The following SOAT1 variants were observed in gnomAD, a reference collection of about 807,000 sequenced individuals.
SOAT1 encodes the protein sterol O-acyltransferase 1, also known as acyl-coenzyme A:cholesterol acyltransferase 1.
Under a neutral mutation model 69.5 loss-of-function variants are expected in SOAT1, and 55 were observed. The observed-to-expected ratio is 0.79, with a 90% CI of 0.64 to 0.99. SOAT1 has a LOEUF of 0.99. Among genes scored for constraint, SOAT1 ranks in the 50% least tolerant of loss-of-function variants. The probability of loss-of-function intolerance (pLI) is 0.00; values close to 1 mark genes in which losing one functional copy is unlikely to be tolerated. For synonymous variants in SOAT1, 231 were observed against 224.7 expected (o/e 1.03, Z -0.25); for missense variants, 580 against 669.3 (o/e 0.87, Z 1.47).
intron 3 of SOAT1, 130 bp downstream of exon 3, chr1:179,323,625 C>A: frequency 1.3e-6 from 1 of 745,072 alleles, no homozygotes; most frequent in Non-Finnish European, 2.2e-6. Context: ...TCCTGTGGAA[C>A]AAGAAAATAA....
rs115803872 is a variant in SOAT1 at position 179,296,694 on chromosome 1, T to C, written c.-9+2758T>C. Among the ~76,000 whole-genome samples, 1,090 of 152,336 alleles carry C rather than the reference T, an allele frequency of 7.2e-3. 13 individuals carry two copies. The highest frequency in any genetic ancestry group is 0.024 in the African/African-American group (1,001 of 41,584). ...CTGGATTGTAAATTCTATCCACAGT[T>C]GTGTCCCCTTTCCACCACTGAATCT... On this transcript the variant is annotated intron_variant, in intron 1 of 15. Transcript: ENST00000367619.
At chr1:179,346,766 T>C (rs1176799708) in intron 11 of SOAT1, among the ~76,000 whole-genome samples, 1 of 152,064 alleles carries the variant, frequency 6.6e-6, no homozygotes, top group African/African-American at 2.4e-5. Context: ...GTGGCACCAC[T>C]CCCTCTCCTC....
rs2125009927 is a variant in SOAT1 at position 179,354,737 on chromosome 1, A to G, written c.*1096A>G. ...AATAAATTAATATGTGATTGGTTTCAAGGAAATGTACTCTATTATGTAATA... is the reference window on the plus strand; with the variant it reads ...AATAAATTAATATGTGATTGGTTTCGAGGAAATGTACTCTATTATGTAATA... On this transcript the variant is annotated 3_prime_UTR_variant, in exon 16 of 16. Transcript: ENST00000367619. The G allele has an allele frequency of 6.6e-6, 1 of 152,302 alleles. No individual in the cohort carries two copies. The highest frequency in any genetic ancestry group is 1.9e-4 in the East Asian group (1 of 5,192). The allele number at this position is 152,302 out of a possible 1,614,324, so 9.4% of individuals were successfully genotyped here.
At chr1:179,313,266 G>A (rs1441194263) in intron 2 of SOAT1, among the ~76,000 whole-genome samples, 5 of 151,242 alleles carry the variant, frequency 3.3e-5, no homozygotes, top group Admixed American at 1.3e-4. Flanking sequence ...TGCCCATTAC[G>A]GAAAAAGCTT....
At chr1:179,342,239 C>T in intron 8 of SOAT1, 47 bp downstream of exon 8, 1 of 1,158,700 alleles carries the variant, frequency 8.6e-7, no homozygotes. Flanking sequence ...CTCCCCTCCT[C>T]TCCCCCCACC....
intron 12 of SOAT1, among the ~76,000 whole-genome samples, 166 bp downstream of exon 12, chr1:179,347,863 T>C (rs972225140): frequency 1.3e-5 from 2 of 152,254 alleles, no homozygotes; most frequent in African/African-American, 2.4e-5. Context: ...GTTACAGATA[T>C]AACTAGCATA....
chr1:179,303,294 G>C (rs1181897729), intron 2 of SOAT1, among the ~76,000 whole-genome samples: 1 of 152,204 alleles, frequency 6.6e-6, no homozygotes, highest in Non-Finnish European at 1.5e-5. Context: ...AGTAGTTAGG[G>C]AGTTTTATTA....
chr1:179,338,575 G>A (rs1215225419), intron 5 of SOAT1, among the ~76,000 whole-genome samples: 1 of 152,194 alleles, frequency 6.6e-6, no homozygotes, highest in Non-Finnish European at 1.5e-5. Flanking sequence ...AGCATGTAAT[G>A]TATAGTGTTA....
Position 179,337,906 on chromosome 1 carries a change from T to A in SOAT1, c.389+10T>A. The A allele has an allele frequency of 1.3e-6, 2 of 1,575,626 alleles. No individual in the cohort carries two copies. The highest frequency in any genetic ancestry group is 1.7e-6 in the Non-Finnish European group (2 of 1,157,470). ...GGCGCTCTCTCTTAGAGTGAGTATTTTTAGTTGTTTTTAAATATGTTTGAT... is the reference window on the plus strand; with the variant it reads ...GGCGCTCTCTCTTAGAGTGAGTATTATTAGTTGTTTTTAAATATGTTTGAT... On this transcript the variant is annotated intron_variant, in intron 5 of 15. Coordinates refer to ENST00000367619, the MANE Select transcript of SOAT1 (RefSeq NM_003101.6).
chr1:179,344,176 C>T (rs1380920268), intron 10 of SOAT1, among the ~76,000 whole-genome samples: 1 of 151,878 alleles, frequency 6.6e-6, no homozygotes, highest in African/African-American at 2.4e-5. Flanking sequence ...TTTCAGTAAG[C>T]ATTAATTTCC....
chr1:179,340,890 C>T (rs1208287009), intron 6 of SOAT1, 138 bp from the exon 7 acceptor site: 5 of 660,122 alleles, frequency 7.6e-6, no homozygotes, highest in African/African-American at 7.3e-5. Flanking sequence ...AGAACTATTA[C>T]ATCCATGACT....
chr1:179,295,584 C>T (rs963258486), intron 1 of SOAT1, among the ~76,000 whole-genome samples: 1 of 152,116 alleles, frequency 6.6e-6, no homozygotes, highest in African/African-American at 2.4e-5. Context: ...ACAGTGATCC[C>T]CACTTAACTG....
chr1:179,302,734 G>A lies in SOAT1; in HGVS notation c.50G>A (p.Arg17Lys). The A allele has an allele frequency of 6.2e-7, 1 of 1,611,324 alleles. No homozygotes were observed. The highest frequency in any genetic ancestry group is 8.5e-7 in the Non-Finnish European group (1 of 1,179,290). The change falls in exon 2 of 16, where the codon AGG (arginine) becomes AAG (lysine). Residue 17 changes from arginine to lysine, a missense_variant. Arg to Lys is a conservative substitution (Grantham distance 26). Transcript: ENST00000367619. ...MSLRNRLSKS[R>K]ENPEEDEDQR... ...CTAAGAAACCGGCTGTCAAAGTCCA[G>A]GGAAAATCCTGAGGAAGATGAAGAC...
rs902159711 is a variant in SOAT1 at position 179,356,592 on chromosome 1, G to A, written c.*2951G>A. 3.4e-5 allele frequency: 5 copies of A among 148,654 alleles called. No individual in the cohort carries two copies. Among genetic ancestry groups the A allele is most frequent in the African/African-American group, 1.2e-4 (5 of 40,216 alleles). 9.2% of individuals were successfully genotyped at this position (148,654 alleles called of 1,614,324 possible). A position where few individuals can be genotyped will look rare whatever the true frequency, so the allele number is the denominator to read the frequency against. ...CTGGTCTCAAACTCCTGGAGTCAAG[G>A]GATCTATTTGCCTCAGCCTCTCAAA... On this transcript the variant is annotated 3_prime_UTR_variant, in exon 16 of 16. Coordinates refer to ENST00000367619, the MANE Select transcript of SOAT1 (RefSeq NM_003101.6).
intron 2 of SOAT1, among the ~76,000 whole-genome samples, chr1:179,321,197 C>T (rs762287246): frequency 2.4e-4 from 36 of 152,032 alleles, no homozygotes; most frequent in Non-Finnish European, 3.7e-4. Context: ...TGAGCCACCA[C>T]GCCCAGCCAT....
At chr1:179,307,613 A>G (rs1476807221) in intron 2 of SOAT1, among the ~76,000 whole-genome samples, 1 of 151,928 alleles carries the variant, frequency 6.6e-6, no homozygotes, top group Admixed American at 6.6e-5. Context: ...ACTTCAAAAA[A>G]AAATAGGACT....
intron 9 of SOAT1, among the ~76,000 whole-genome samples, chr1:179,343,290 T>TG (rs1227958451): frequency 6.6e-6 from 1 of 152,148 alleles, no homozygotes; most frequent in Non-Finnish European, 1.5e-5. Context: ...AGTGGTGCTA[T>TG]GTCGGCTCCC....
chr1:179,354,705 T>C lies in SOAT1; in HGVS notation c.*1064T>C, dbSNP rs1666851723. ...TATACTTTTAATGGTAGTATGTTTTTAGGTGGAATAAATTAATATGTGATT... is the reference window on the plus strand; with the variant it reads ...TATACTTTTAATGGTAGTATGTTTTCAGGTGGAATAAATTAATATGTGATT... On this transcript the variant is annotated 3_prime_UTR_variant, in exon 16 of 16. Coordinates refer to ENST00000367619, the MANE Select transcript of SOAT1 (RefSeq NM_003101.6). The C allele has an allele frequency of 1.3e-5, 2 of 152,190 alleles. No individual in the cohort carries two copies. The highest frequency in any genetic ancestry group is 4.1e-4 in the South Asian group (2 of 4,828). The allele number at this position is 152,190 out of a possible 1,614,324, so 9.4% of individuals were successfully genotyped here. A position where few individuals can be genotyped will look rare whatever the true frequency, so the allele number is the denominator to read the frequency against.
chr1:179,351,529 C>T (rs903110280), intron 15 of SOAT1, 67 bp downstream of exon 15: 43 of 1,500,740 alleles, frequency 2.9e-5, no homozygotes, highest in Admixed American at 2.6e-4. Flanking sequence ...AGTTGGTGGG[C>T]AATGTTGAGG....
Sources: gnomAD v4.1 joint callset for allele counts (sites outside exome capture counted in the v4.1 genomes callset) on GRCh38, gnomAD v4.1.1 for gene constraint, MANE v1.5 for transcripts, NCBI Gene and HGNC (gene_info 2026-07-23, HGNC 2026-07-21) for gene names.